Variants in DAB2 observed in about 807,000 individuals in gnomAD.
DAB2 encodes DAB adaptor protein 2, also known as disabled homolog 2.
In DAB2, 28 loss-of-function variants were observed where a neutral mutation model predicts 71.6. The observed-to-expected ratio is 0.39, with a 90% CI of 0.29 to 0.54. The LOEUF (loss-of-function observed/expected upper bound fraction) is 0.54, where lower values mean the gene tolerates loss of function less well. DAB2 is among the 20% of genes least tolerant of loss of function. The pLI, the probability that DAB2 is intolerant of heterozygous loss-of-function variation, is 0.68. For synonymous variants in DAB2, 345 were observed against 339.7 expected (o/e 1.02, Z -0.17); for missense variants, 867 against 928.8 (o/e 0.93, Z 0.86).
intron 1 of DAB2, among the ~76,000 whole-genome samples, chr5:39,412,418 T>C (rs1356624082): frequency 6.6e-6 from 1 of 152,180 alleles, no homozygotes; most frequent in African/African-American, 2.4e-5. Flanking sequence ...TTAATTCATG[T>C]AATCAAAACT....
Position 39,390,575 on chromosome 5 carries a change from C to T in DAB2, c.331G>A (p.Val111Ile), listed in dbSNP as rs1755203936. The T allele has an allele frequency of 1.9e-6, 3 of 1,605,258 alleles. No individual in the cohort carries two copies. The highest frequency in any genetic ancestry group is 2.7e-5 in the African/African-American group (2 of 74,396). The change falls in exon 5 of 15, where the codon GTA (valine) becomes ATA (isoleucine). Residue 111 changes from valine to isoleucine, a missense_variant and splice_region_variant. Physicochemically the swap from Val to Ile is conservative, Grantham distance 29. Around this residue, in one of 2 missense-constraint regions of DAB2, gnomAD observed 127 missense variants for 194.4 expected, o/e 0.65. Transcript: ENST00000320816. ...GIKIIDEKTG[V>I]IEHEHPVNKI... ...TTTACTGGATGTTCATGCTCTATTA[C>T]CTTAAAAAAGAACATAAAGAGTAAT...
chr5:39,371,839 G>A lies in DAB2; in HGVS notation c.*1592C>T, dbSNP rs1429611254. 6.6e-6 allele frequency: 1 copy of A among 152,162 alleles called. No individual in the cohort carries two copies. The highest frequency in any genetic ancestry group is 1.5e-5 in the Non-Finnish European group (1 of 68,034). The allele number at this position is 152,162 out of a possible 1,614,324, so 9.4% of individuals were successfully genotyped here. ...AGTTACCTCCAGTTTAGCACATTTA[G>A]GTATTTGGACATTTAAAGTACTATT... is the stretch of plus-strand genomic sequence containing the variant. On this transcript the variant is annotated 3_prime_UTR_variant, in exon 15 of 15. Transcript: ENST00000320816.
At chr5:39,418,922 G>A (rs953356624) in intron 1 of DAB2, among the ~76,000 whole-genome samples, 3 of 152,224 alleles carry the variant, frequency 2.0e-5, no homozygotes, top group African/African-American at 7.2e-5. Context: ...TCCTGATGGA[G>A]AAATGAAGCT....
intron 1 of DAB2, among the ~76,000 whole-genome samples, chr5:39,420,357 C>T (rs1440241669): frequency 6.6e-6 from 1 of 152,168 alleles, no homozygotes; most frequent in African/African-American, 2.4e-5. Flanking sequence ...CCATATTTCC[C>T]TCATCCAGAT....
At chr5:39,395,944 T>TTTTTTTG (rs1755358528) in intron 1 of DAB2, among the ~76,000 whole-genome samples, 1 of 112,184 alleles carries the variant, frequency 8.9e-6, no homozygotes, top group Non-Finnish European at 1.9e-5. Flanking sequence ...ATTCTTTTTT[T>TTTTTTTG]TTTTTTTTTT....
intron 4 of DAB2, 195 bp downstream of exon 4, chr5:39,392,170 A>G (rs1222078232): frequency 1.8e-6 from 1 of 570,342 alleles, no homozygotes; most frequent in African/African-American, 1.9e-5. Flanking sequence ...TTATTATAGA[A>G]CACAAATTCA....
intron 1 of DAB2, among the ~76,000 whole-genome samples, chr5:39,394,848 TGC>T (rs1561372725): frequency 2.0e-5 from 3 of 152,216 alleles, no homozygotes; most frequent in Non-Finnish European, 4.4e-5. Context: ...TTCGGAAAAT[TGC>T]TTAACTATAA....
At chr5:39,404,908 G>A (rs558414231) in intron 1 of DAB2, among the ~76,000 whole-genome samples, 29 of 152,280 alleles carry the variant, frequency 1.9e-4, no homozygotes, top group South Asian at 6.2e-4. Context: ...CCCAATTCAC[G>A]GCAAGTGTCT....
intron 1 of DAB2, among the ~76,000 whole-genome samples, chr5:39,409,798 C>A (rs1385572795): frequency 6.6e-6 from 1 of 152,124 alleles, no homozygotes; most frequent in Non-Finnish European, 1.5e-5. Context: ...CCAGAGAAGA[C>A]CTCAGGAATT....
At chr5:39,401,215 G>T (rs776572569) in intron 1 of DAB2, among the ~76,000 whole-genome samples, 2 of 152,192 alleles carry the variant, frequency 1.3e-5, no homozygotes, top group Non-Finnish European at 2.9e-5. Flanking sequence ...TACTGAAAAG[G>T]AGTCCTTAGA....
Position 39,402,874 on chromosome 5 carries a change from C to T in DAB2, c.-101-8453G>A, listed in dbSNP as rs577375991. Among the ~76,000 whole-genome samples the T allele has an allele frequency of 2.6e-5, 4 of 152,282 alleles. No homozygotes were observed. The South Asian group carries it at 8.3e-4, about 32-fold the overall frequency. On this transcript the variant is annotated intron_variant, in intron 1 of 14. Transcript: ENST00000320816. ...ATCTACTCTAAGTTACCCAGAGATG[C>T]CTGTTCCAATGAATCCTGAGTTAAA...
At chr5:39,397,320 C>CAGTATCAG (rs1755389827) in intron 1 of DAB2, among the ~76,000 whole-genome samples, 1 of 152,186 alleles carries the variant, frequency 6.6e-6, no homozygotes, top group Non-Finnish European at 1.5e-5. Context: ...AAGCAGTACT[C>CAGTATCAG]CCTTCTCAGA....
chr5:39,400,307 AC>A (rs1755469199), intron 1 of DAB2, among the ~76,000 whole-genome samples: 1 of 150,900 alleles, frequency 6.6e-6, no homozygotes. Context: ...ATCTCGGCTT[AC>A]TGCAACCTCT....
intron 2 of DAB2, among the ~76,000 whole-genome samples, chr5:39,393,770 A>G (rs1192506711): frequency 6.6e-6 from 1 of 152,192 alleles, no homozygotes; most frequent in African/African-American, 2.4e-5. Flanking sequence ...CAAGCAATTT[A>G]CCAACATTTT....
At chr5:39,375,578 T>G (rs1338106331) in intron 13 of DAB2, among the ~76,000 whole-genome samples, 1 of 152,166 alleles carries the variant, frequency 6.6e-6, no homozygotes, top group Non-Finnish European at 1.5e-5. Flanking sequence ...TAGCTAAACA[T>G]GTTTTACCAT....
intron 1 of DAB2, chr5:39,417,132 A>G (rs1410485823): frequency 6.6e-6 from 1 of 151,976 alleles, no homozygotes; most frequent in Non-Finnish European, 1.5e-5. Flanking sequence ...GGAGGGGAAC[A>G]TCACACACCG....
At chr5:39,373,959 G>T (rs565767873) in intron 14 of DAB2, among the ~76,000 whole-genome samples, 4 of 152,102 alleles carry the variant, frequency 2.6e-5, no homozygotes, top group African/African-American at 7.2e-5. Flanking sequence ...TAGGACCCAG[G>T]AATTTGCATT....
chr5:39,392,844 T>C (rs1180658258), intron 3 of DAB2, among the ~76,000 whole-genome samples: 4 of 152,216 alleles, frequency 2.6e-5, no homozygotes, highest in Non-Finnish European at 4.4e-5. Context: ...AGGCTAGCGC[T>C]AAGGAACACC....
At chr5:39,384,269 A>G (rs1030151915) in intron 9 of DAB2, among the ~76,000 whole-genome samples, 20 of 152,238 alleles carry the variant, frequency 1.3e-4, no homozygotes, top group Non-Finnish European at 1.5e-4. Flanking sequence ...AAACCTATAT[A>G]CAGTATTTTT....
Sources: gnomAD v4.1 joint callset for allele counts (sites outside exome capture counted in the v4.1 genomes callset) on GRCh38, gnomAD v4.1.1 for gene constraint, gnomAD v4.1.1 regional missense constraint, MANE v1.5 for transcripts, NCBI Gene and HGNC (gene_info 2026-07-23, HGNC 2026-07-21) for gene names.